GPHN: variants seen among roughly 807,000 people sequenced by gnomAD.
GPHN encodes the protein gephyrin.
A neutral mutation model predicts 95.5 loss-of-function variants in GPHN; 17 were observed. That is an observed-to-expected ratio of 0.18 (90% CI 0.12 to 0.27). The LOEUF (loss-of-function observed/expected upper bound fraction) is 0.27, where lower values mean the gene tolerates loss of function less well. Among genes scored for constraint, GPHN ranks in the 10% least tolerant of loss-of-function variants. The pLI is 1.00. For missense variants in GPHN, 660 were observed against 978.1 expected (o/e 0.67, Z 4.34); for synonymous variants, 320 against 322.5 (o/e 0.99, Z 0.08).
the GPHN span, among the ~76,000 whole-genome samples, chr14:67,624,399 T>C: frequency 1.3e-5 from 2 of 152,178 alleles, no homozygotes; most frequent in African/African-American, 2.4e-5. Flanking sequence ...TGAGACTGGG[T>C]AATTTAAAAA....
chr14:67,674,665 T>C, the GPHN span: 2 of 482,026 alleles, frequency 4.1e-6, no homozygotes, highest in Admixed American at 4.0e-5. Flanking sequence ...ACGCCCACCT[T>C]CTCCAGCCAG....
At chr14:66,918,867 A>G (rs1395652415) in intron 6 of GPHN, among the ~76,000 whole-genome samples, 1 of 152,222 alleles carries the variant, frequency 6.6e-6, no homozygotes, top group Non-Finnish European at 1.5e-5. Context: ...AGATAGGTCG[A>G]AAGATTAAAC....
intron 4 of GPHN, among the ~76,000 whole-genome samples, chr14:66,875,377 A>T (rs148273903): frequency 0.012 from 1,832 of 150,986 alleles, 19 homozygotes; most frequent in Non-Finnish European, 0.018. Context: ...AGCTAGCATC[A>T]TGATGACAGG....
intron 1 of GPHN, among the ~76,000 whole-genome samples, chr14:66,536,292 A>G (rs1013333663): frequency 1.3e-5 from 2 of 152,070 alleles, no homozygotes; most frequent in East Asian, 1.9e-4. Flanking sequence ...AACTTTGTCA[A>G]ATTTTTTGCT....
At chr14:67,430,969 C>A in the GPHN span, among the ~76,000 whole-genome samples, 1 of 152,070 alleles carries the variant, frequency 6.6e-6, no homozygotes, top group East Asian at 1.9e-4. Context: ...TATAGGTGCC[C>A]CAACAACCTG....
chr14:67,727,973 T>A, the GPHN span: 1 of 152,434 alleles, frequency 6.6e-6, no homozygotes. Context: ...GACCCCTGGG[T>A]CCAAGTTCTT....
At chr14:67,531,931 A>AG in the GPHN span, among the ~76,000 whole-genome samples, 1 of 144,156 alleles carries the variant, frequency 6.9e-6, no homozygotes, top group Non-Finnish European at 1.5e-5. Flanking sequence ...AAAAAAAAAA[A>AG]GTGAATGAAT....
At chr14:67,381,930 C>T in the GPHN span, among the ~76,000 whole-genome samples, 8 of 152,024 alleles carry the variant, frequency 5.3e-5, no homozygotes, top group Non-Finnish European at 1.0e-4. Flanking sequence ...AGAAAGCCAG[C>T]GATGCCAAAC....
chr14:66,836,799 T>A (rs961176220), intron 4 of GPHN, among the ~76,000 whole-genome samples: 7 of 151,942 alleles, frequency 4.6e-5, no homozygotes, highest in Non-Finnish European at 1.0e-4. Flanking sequence ...GAACAGACAC[T>A]TCTCAAAAGA....
Position 66,899,913 on chromosome 14 carries a change from T to C in GPHN, c.390-16090T>C, listed in dbSNP as rs180765290. 3.1e-3 allele frequency among the ~76,000 whole-genome samples: 472 copies of C among 151,544 alleles called. 11 individuals carry two copies. The highest frequency in any genetic ancestry group is 0.011 in the African/African-American group (447 of 41,498). The stretch of plus-strand genomic sequence containing the variant: ...GTCCTAGAGCTTTATTTTTCTAGAG[T>C]TTTTTTACTATAAATTGAATTTTCT... On this transcript the variant is annotated intron_variant, in intron 5 of 22. Coordinates refer to ENST00000478722, the MANE Select transcript of GPHN (RefSeq NM_020806.5).
the GPHN span, among the ~76,000 whole-genome samples, chr14:67,713,216 ACT>A: frequency 1.3e-5 from 2 of 151,750 alleles, no homozygotes; most frequent in South Asian, 2.1e-4. Context: ...GCTGAAAACA[ACT>A]CTCTACCATC....
At chr14:67,338,800 G>C in the GPHN span, 3 of 1,559,470 alleles carry the variant, frequency 1.9e-6, no homozygotes, top group Non-Finnish European at 2.6e-6. Flanking sequence ...TTTAAACACT[G>C]TTTCAATATT....
chr14:66,844,419 A>G (rs2062230804), intron 4 of GPHN, among the ~76,000 whole-genome samples: 1 of 152,146 alleles, frequency 6.6e-6, no homozygotes, highest in African/African-American at 2.4e-5. Context: ...TGAAATTTGC[A>G]AGAGTCTAAG....
chr14:66,825,351 A>G (rs912780145), intron 4 of GPHN, among the ~76,000 whole-genome samples: 2 of 152,044 alleles, frequency 1.3e-5, no homozygotes, highest in Non-Finnish European at 2.9e-5. Flanking sequence ...TCTATTTCAA[A>G]TCAGTACACT....
At chr14:66,828,023 T>G (rs968455181) in intron 4 of GPHN, among the ~76,000 whole-genome samples, 2 of 151,944 alleles carry the variant, frequency 1.3e-5, no homozygotes, top group African/African-American at 4.8e-5. Context: ...ATATTAGAGG[T>G]TTCTTAAATG....
intron 11 of GPHN, among the ~76,000 whole-genome samples, chr14:67,066,771 A>G (rs2076074683): frequency 6.6e-6 from 1 of 152,102 alleles, no homozygotes; most frequent in East Asian, 1.9e-4. Flanking sequence ...CTTGGTTTTC[A>G]GCTACATCAG....
chr14:67,531,583 T>C, the GPHN span, among the ~76,000 whole-genome samples: 4 of 151,896 alleles, frequency 2.6e-5, no homozygotes, highest in Non-Finnish European at 5.9e-5. Flanking sequence ...CCACTCTCCA[T>C]GGTGCGTCTC....
At chr14:66,787,980 T>A (rs2059840754) in intron 3 of GPHN, among the ~76,000 whole-genome samples, 1 of 151,874 alleles carries the variant, frequency 6.6e-6, no homozygotes, top group Admixed American at 6.6e-5. Context: ...ACAATGTAAA[T>A]TTCACAAACT....
At chr14:66,853,480 A>C (rs1192093775) in intron 4 of GPHN, among the ~76,000 whole-genome samples, 1 of 152,236 alleles carries the variant, frequency 6.6e-6, no homozygotes, top group Non-Finnish European at 1.5e-5. Context: ...ACAGTTCCAC[A>C]TGGCTGGGGA....
Sources: allele counts gnomAD v4.1 joint callset (sites outside exome capture counted in the v4.1 genomes callset), GRCh38; gene constraint gnomAD v4.1.1; transcripts MANE v1.5; gene names NCBI Gene and HGNC (gene_info 2026-07-23, HGNC 2026-07-21).